Variants in CSMD1 observed in about 807,000 individuals in gnomAD.
The protein encoded by CSMD1 is CUB and Sushi multiple domains 1, also known as CUB and sushi domain-containing protein 1.
Under a neutral mutation model 417.5 loss-of-function variants are expected in CSMD1, and 213 were observed. The ratio of observed to expected loss-of-function variants is 0.51; its 90% CI spans 0.46 to 0.57. The LOEUF (loss-of-function observed/expected upper bound fraction) is 0.57. CSMD1 is among the 20% of genes least tolerant of loss of function. The probability of loss-of-function intolerance (pLI) is 0.00; values close to 1 mark genes in which losing one functional copy is unlikely to be tolerated. For synonymous variants in CSMD1, 2,862 were observed against 1,736.8 expected (o/e 1.65, Z -16.11); for missense variants, 6,923 against 4,529.7 (o/e 1.53, Z -15.17).
chr8:4,174,577 G>C (rs1797937032), intron 3 of CSMD1, among the ~76,000 whole-genome samples: 1 of 150,004 alleles, frequency 6.7e-6, no homozygotes, highest in African/African-American at 2.5e-5. Flanking sequence ...CATGCACTCT[G>C]GCTGGGATAC....
intron 2 of CSMD1, among the ~76,000 whole-genome samples, chr8:4,448,790 T>C (rs1430347752): frequency 1.3e-5 from 2 of 152,206 alleles, no homozygotes; most frequent in African/African-American, 2.4e-5. Flanking sequence ...TGATGTCATC[T>C]GCAGAAGGAG....
chr8:4,340,570 C>G (rs1215952711), intron 3 of CSMD1, among the ~76,000 whole-genome samples: 2 of 152,084 alleles, frequency 1.3e-5, no homozygotes, highest in African/African-American at 2.4e-5. Context: ...AATTCAGGGA[C>G]AAAACCCACC....
At position 4,686,540 on chromosome 8, in the gene CSMD1, C is replaced by T. The variant is rs150154535; in HGVS notation, c.86-48982G>A. On this transcript the variant is annotated intron_variant, in intron 1 of 69. Transcript: ENST00000635120. ...CACAGCGAAGAACCTGAGCAAACAGCCCCTGCTACATCCCTGCTGATTTAT... is the reference window on the plus strand; with the variant it reads ...CACAGCGAAGAACCTGAGCAAACAGTCCCTGCTACATCCCTGCTGATTTAT... Among the ~76,000 whole-genome samples, 150 of 152,334 alleles carry T rather than the reference C, an allele frequency of 9.8e-4. 1 individual carries two copies. The highest frequency in any genetic ancestry group is 3.4e-3 in the African/African-American group (141 of 41,590).
chr8:4,773,606 C>G lies in CSMD1; in HGVS notation c.86-136048G>C, dbSNP rs530615407. Among the ~76,000 whole-genome samples the G allele has an allele frequency of 2.0e-5, 3 of 152,234 alleles. No homozygotes were observed. In the South Asian group the frequency reaches 6.2e-4, roughly 32 times the overall value. On this transcript the variant is annotated intron_variant, in intron 1 of 69. Transcript: ENST00000635120. ...GTCTATATCAGGATACCAAGGATTC[C>G]TCAGGAGTGTTTGTCATCTCCTTTT...
intron 11 of CSMD1, among the ~76,000 whole-genome samples, chr8:3,481,046 C>T (rs995298908): frequency 1.5e-4 from 23 of 149,528 alleles, no homozygotes; most frequent in Non-Finnish European, 2.4e-4. Flanking sequence ...GTCCCAGCTA[C>T]TAGGGAGGCT....
chr8:3,708,731 G>A (rs541790647), intron 6 of CSMD1, among the ~76,000 whole-genome samples: 2 of 152,128 alleles, frequency 1.3e-5, no homozygotes, highest in African/African-American at 4.8e-5. Flanking sequence ...AAAATAATAC[G>A]TGCTGCCACT....
intron 5 of CSMD1, among the ~76,000 whole-genome samples, chr8:3,773,340 G>A (rs968969673): frequency 3.9e-5 from 6 of 152,184 alleles, no homozygotes; most frequent in Non-Finnish European, 8.8e-5. Flanking sequence ...CTGGAGTGCA[G>A]TGGTGCACTC....
chr8:3,628,994 G>A (rs946688834), intron 7 of CSMD1, among the ~76,000 whole-genome samples: 4 of 152,074 alleles, frequency 2.6e-5, no homozygotes, highest in African/African-American at 7.2e-5. Context: ...AGAGAAAAGG[G>A]AAAGAAAAAG....
intron 5 of CSMD1, among the ~76,000 whole-genome samples, chr8:3,946,225 C>A (rs1038160417): frequency 3.3e-5 from 5 of 152,122 alleles, no homozygotes; most frequent in African/African-American, 1.2e-4. Flanking sequence ...ACTTGATCTT[C>A]CAAGTTGTAT....
intron 12 of CSMD1, among the ~76,000 whole-genome samples, chr8:3,426,922 C>A (rs981920286): frequency 4.6e-5 from 7 of 152,090 alleles, no homozygotes; most frequent in African/African-American, 1.7e-4. Flanking sequence ...GCTGGGGAGG[C>A]CTCAGGAAAC....
At chr8:4,152,367 T>C (rs934835005) in intron 3 of CSMD1, among the ~76,000 whole-genome samples, 1 of 152,150 alleles carries the variant, frequency 6.6e-6, no homozygotes, top group Non-Finnish European at 1.5e-5. Context: ...GGAATGCTTA[T>C]GTACTAATGT....
At chr8:3,817,044 GA>G (rs1801408095) in intron 5 of CSMD1, among the ~76,000 whole-genome samples, 1 of 152,126 alleles carries the variant, frequency 6.6e-6, no homozygotes, top group South Asian at 2.1e-4. Flanking sequence ...GATGACAAGA[GA>G]GAAAGAAACA....
At chr8:3,822,826 T>C (rs1585048461) in intron 5 of CSMD1, among the ~76,000 whole-genome samples, 2 of 152,274 alleles carry the variant, frequency 1.3e-5, no homozygotes, top group East Asian at 3.9e-4. Context: ...ATTTTTTTTT[T>C]AGTAGGCACA....
In CSMD1 at chr8:2,998,121, A is replaced by C. The variant is rs1317665173; in HGVS notation, c.8267T>G (p.Leu2756Arg). ...GCAGGTGAAATTCACGACATCATTC[A>C]GGTTGAACTCACTGCCATTAGTGAA... ...HGFTNGSEFN[L>R]NDVVNFTCNT... The change falls in exon 54 of 70, where the codon CTG (leucine) becomes CGG (arginine). Residue 2756 changes from leucine to arginine, a missense_variant. By Grantham distance (102) the Leu-to-Arg change is moderately radical. Transcript: ENST00000635120. 1.2e-6 allele frequency: 2 copies of C among 1,613,912 alleles called. No homozygotes were observed. The highest frequency in any genetic ancestry group is 1.7e-6 in the Non-Finnish European group (2 of 1,179,884).
chr8:4,042,521 C>A (rs73183960), intron 3 of CSMD1, among the ~76,000 whole-genome samples: 1 of 152,098 alleles, frequency 6.6e-6, no homozygotes, highest in African/African-American at 2.4e-5. Context: ...CCGTCACTAG[C>A]AGGCCCATAC....
chr8:4,302,134 CAAAA>C (rs994023323), intron 3 of CSMD1, among the ~76,000 whole-genome samples: 1 of 151,802 alleles, frequency 6.6e-6, no homozygotes, highest in African/African-American at 2.4e-5. Context: ...ATCTTGCTAA[CAAAA>C]AAACAGTTTA....
chr8:4,333,617 T>C (rs1799997012), intron 3 of CSMD1, among the ~76,000 whole-genome samples: 1 of 152,164 alleles, frequency 6.6e-6, no homozygotes, highest in Non-Finnish European at 1.5e-5. Flanking sequence ...TGCAGATATA[T>C]TTAAGGAGAG....
At chr8:4,373,675 T>C (rs1418834311) in intron 3 of CSMD1, among the ~76,000 whole-genome samples, 1 of 152,114 alleles carries the variant, frequency 6.6e-6, no homozygotes, top group Non-Finnish European at 1.5e-5. Flanking sequence ...AATGAAACGT[T>C]TCACTTTAAT....
chr8:4,596,707 G>C lies in CSMD1; in HGVS notation c.302+40635C>G, dbSNP rs75992011. ...TCTAACTTCAGTTCATTCAAAAACA[G>C]TTCATTTTGAAAGGAACAATAAGGA... On this transcript the variant is annotated intron_variant, in intron 2 of 69. Coordinates refer to ENST00000635120, the MANE Select transcript of CSMD1 (RefSeq NM_033225.6). Among the ~76,000 whole-genome samples the C allele has an allele frequency of 4.5e-3, 689 of 152,246 alleles. 1 individual carries two copies. The highest frequency in any genetic ancestry group is 0.016 in the African/African-American group (668 of 41,570).
Sources: allele counts gnomAD v4.1 joint callset (sites outside exome capture counted in the v4.1 genomes callset), GRCh38; gene constraint gnomAD v4.1.1; transcripts MANE v1.5; gene names NCBI Gene and HGNC (gene_info 2026-07-23, HGNC 2026-07-21).